The following L2HGDH variants were observed in gnomAD, a reference collection of about 807,000 sequenced individuals.
L2HGDH encodes L-2-hydroxyglutarate dehydrogenase, mitochondrial.
In L2HGDH, 34 loss-of-function variants were observed where a neutral mutation model predicts 51.5. That is an observed-to-expected ratio of 0.66 (90% confidence interval 0.50 to 0.88). The LOEUF is 0.88. Among genes scored for constraint, L2HGDH ranks in the 40% least tolerant of loss-of-function variants. The pLI, the probability that L2HGDH is intolerant of heterozygous loss-of-function variation, is 0.00. For synonymous variants in L2HGDH, 198 were observed against 197.9 expected, an observed-to-expected ratio of 1.00 and a Z score of -0.01; for missense variants, 558 against 571.9, an observed-to-expected ratio of 0.98 and a Z score of 0.25.
intron 6 of L2HGDH, among the ~76,000 whole-genome samples, chr14:50,278,253 T>C (rs1890081770): frequency 6.6e-6 from 1 of 152,128 alleles, no homozygotes; most frequent in Non-Finnish European, 1.5e-5. Flanking sequence ...GTAGATAGAG[T>C]GATAAAATAT....
At chr14:50,285,666 T>C (rs1890528166) in intron 4 of L2HGDH, among the ~76,000 whole-genome samples, 1 of 152,214 alleles carries the variant, frequency 6.6e-6, no homozygotes, top group Non-Finnish European at 1.5e-5. Context: ...AAGTGCTTAA[T>C]TCTCAATCAA....
Position 50,242,553 on chromosome 14 carries a change from G to A in L2HGDH, c.*4505C>T, listed in dbSNP as rs1480546793. ...TCTAGGATTTGAGGCCAGAAAAGTA[G>A]AGTTGGTTGGTATCAACACTGTTCT... is the stretch of plus-strand genomic sequence containing the variant. On this transcript the variant is annotated 3_prime_UTR_variant, in exon 10 of 10. Transcript: ENST00000267436. The A allele has an allele frequency of 2.5e-5, 25 of 984,786 alleles. No homozygotes were observed. The highest frequency in any genetic ancestry group is 2.9e-5 in the Non-Finnish European group (24 of 829,444). 61.0% of individuals were successfully genotyped at this position (984,786 alleles called of 1,614,324 possible). A position where few individuals can be genotyped will look rare whatever the true frequency, so the allele number is the denominator to read the frequency against.
chr14:50,249,916 T>TTC (rs1888243627), intron 9 of L2HGDH, among the ~76,000 whole-genome samples: 1 of 81,114 alleles, frequency 1.2e-5, no homozygotes, highest in South Asian at 3.9e-4. Context: ...TTTTTTTTTT[T>TTC]TGTGAGACAG....
intron 1 of L2HGDH, 100 bp downstream of exon 1, chr14:50,311,911 C>A (rs1252326303): frequency 2.7e-6 from 4 of 1,491,164 alleles, no homozygotes; most frequent in East Asian, 2.5e-5. Flanking sequence ...CCTGCTCTCA[C>A]CCCGGGACAG....
At chr14:50,306,511 G>A (rs1164014534) in intron 1 of L2HGDH, among the ~76,000 whole-genome samples, 1 of 151,540 alleles carries the variant, frequency 6.6e-6, no homozygotes. Flanking sequence ...GCATAACCTT[G>A]GCCCTTACAG....
chr14:50,296,265 T>C (rs777365407), intron 3 of L2HGDH, among the ~76,000 whole-genome samples: 3 of 147,572 alleles, frequency 2.0e-5, no homozygotes, highest in Admixed American at 1.4e-4. Context: ...TCCCAGCTAC[T>C]AGTGGGCTGA....
At position 50,244,937 on chromosome 14, in the gene L2HGDH, T is replaced by C. The variant is rs1887934984; in HGVS notation, c.*2121A>G. Reference sequence around the variant, plus strand: ...GCCTCACCTAAATGTGGTTCAGTACTCAAAGTTCTGCAGTCAGGTCGCCAC... The same window carrying C: ...GCCTCACCTAAATGTGGTTCAGTACCCAAAGTTCTGCAGTCAGGTCGCCAC... On this transcript the variant is annotated 3_prime_UTR_variant, in exon 10 of 10. Coordinates refer to ENST00000267436, the MANE Select transcript of L2HGDH (RefSeq NM_024884.3). 1.0e-6 allele frequency: 1 copy of C among 985,374 alleles called. No individual in the cohort carries two copies. The highest frequency in any genetic ancestry group is 1.7e-5 in the African/African-American group (1 of 57,228). 61.0% of individuals were successfully genotyped at this position (985,374 alleles called of 1,614,324 possible). A position where few individuals can be genotyped will look rare whatever the true frequency, so the allele number is the denominator to read the frequency against.
Position 50,243,239 on chromosome 14 carries a change from T to C in L2HGDH, c.*3819A>G. ...GTAACATGAAACACCAAAAATATAC[T>C]TGCTGGTACATCAAGAGTTCCTCAC... is the stretch of plus-strand genomic sequence containing the variant. On this transcript the variant is annotated 3_prime_UTR_variant, in exon 10 of 10. Coordinates refer to ENST00000267436, the MANE Select transcript of L2HGDH (RefSeq NM_024884.3). 1.0e-6 allele frequency: 1 copy of C among 985,270 alleles called. No individual in the cohort carries two copies. The highest frequency in any genetic ancestry group is 1.7e-5 in the African/African-American group (1 of 57,206). 61.0% of individuals were successfully genotyped at this position (985,270 alleles called of 1,614,324 possible). A position where few individuals can be genotyped will look rare whatever the true frequency, so the allele number is the denominator to read the frequency against.
At chr14:50,266,965 T>C (rs1465399074) in intron 8 of L2HGDH, among the ~76,000 whole-genome samples, 1 of 152,160 alleles carries the variant, frequency 6.6e-6, no homozygotes, top group Non-Finnish European at 1.5e-5. Flanking sequence ...TGGTCATCAG[T>C]AATTTCTCCA....
chr14:50,250,643 G>T (rs548936796), intron 9 of L2HGDH, among the ~76,000 whole-genome samples: 1 of 152,330 alleles, frequency 6.6e-6, no homozygotes, highest in South Asian at 2.1e-4. Flanking sequence ...AGTCCCAGTG[G>T]TGGTGGCCAC....
At chr14:50,265,671 T>C (rs1889294231) in intron 8 of L2HGDH, among the ~76,000 whole-genome samples, 182 bp from the exon 9 acceptor site, 1 of 152,134 alleles carries the variant, frequency 6.6e-6, no homozygotes, top group Non-Finnish European at 1.5e-5. Flanking sequence ...CCCAACACTT[T>C]GGGAGGTCAA....
chr14:50,293,286 G>A (rs1293252919), intron 4 of L2HGDH: 5 of 702,028 alleles, frequency 7.1e-6, no homozygotes, highest in Non-Finnish European at 1.0e-5. Flanking sequence ...CTGGATATCT[G>A]TTTGGGGAAA....
chr14:50,258,568 C>G (rs1888811137), intron 9 of L2HGDH, among the ~76,000 whole-genome samples: 1 of 151,966 alleles, frequency 6.6e-6, no homozygotes, highest in African/African-American at 2.4e-5. Context: ...GGCTGGAGTG[C>G]ACTGGCATGA....
chr14:50,272,733 G>C (rs1161805082), intron 6 of L2HGDH, among the ~76,000 whole-genome samples: 1 of 152,150 alleles, frequency 6.6e-6, no homozygotes, highest in Admixed American at 6.5e-5. Context: ...TGTAAGATAA[G>C]GGTTGTACAG....
Position 50,244,733 on chromosome 14 carries a change from T to A in L2HGDH, c.*2325A>T, listed in dbSNP as rs1887926181. ...AATGGATGAGGTAGCTCAATCAATG[T>A]AATCATCAATGCTTGAAGTGAGGGG... On this transcript the variant is annotated 3_prime_UTR_variant, in exon 10 of 10. Transcript: ENST00000267436. The A allele has an allele frequency of 1.0e-6, 1 of 985,418 alleles. No individual in the cohort carries two copies. The highest frequency in any genetic ancestry group is 1.2e-6 in the Non-Finnish European group (1 of 829,930). 61.0% of individuals were successfully genotyped at this position (985,418 alleles called of 1,614,324 possible). A position where few individuals can be genotyped will look rare whatever the true frequency, so the allele number is the denominator to read the frequency against.
At chr14:50,302,586 C>T (rs2030476679) in intron 2 of L2HGDH, among the ~76,000 whole-genome samples, 1 of 152,188 alleles carries the variant, frequency 6.6e-6, no homozygotes, top group Non-Finnish European at 1.5e-5. Context: ...CTCAGAGGCT[C>T]CGGTGGAATC....
intron 4 of L2HGDH, among the ~76,000 whole-genome samples, chr14:50,288,595 T>C (rs1227862701): frequency 6.6e-6 from 1 of 152,200 alleles, no homozygotes; most frequent in African/African-American, 2.4e-5. Context: ...CATGCCCGGC[T>C]AATTCTTGTA....
chr14:50,304,869 T>C (rs2030637775), intron 1 of L2HGDH, among the ~76,000 whole-genome samples: 1 of 152,162 alleles, frequency 6.6e-6, no homozygotes, highest in Non-Finnish European at 1.5e-5. Context: ...GTATAATTTA[T>C]ATAAATCTGC....
intron 3 of L2HGDH, 119 bp downstream of exon 3, chr14:50,301,898 T>G (rs1385732898): frequency 9.7e-6 from 10 of 1,032,200 alleles, no homozygotes; most frequent in Admixed American, 6.6e-5. Context: ...TCCCTAAGAT[T>G]AGATTTGAAA....
Sources: allele counts gnomAD v4.1 joint callset (sites outside exome capture counted in the v4.1 genomes callset), GRCh38; gene constraint gnomAD v4.1.1; transcripts MANE v1.5; gene names NCBI Gene and HGNC (gene_info 2026-07-23, HGNC 2026-07-21).